The following GABPA variants were observed in gnomAD, a reference collection of about 807,000 sequenced individuals.
GABPA encodes GA-binding protein alpha chain.
Under a neutral mutation model 59.4 loss-of-function variants are expected in GABPA, and 4 were observed. The ratio of observed to expected loss-of-function variants is 0.07; its 90% confidence interval spans 0.03 to 0.15. The LOEUF (loss-of-function observed/expected upper bound fraction) is 0.15. GABPA is among the 10% of genes least tolerant of loss of function. The pLI is 1.00. For missense variants in GABPA, 251 were observed against 543.8 expected (o/e 0.46, Z 5.36); for synonymous variants, 164 against 183.1 (o/e 0.90, Z 0.84).
At chr21:25,740,712 A>C (rs948565473) in intron 1 of GABPA, among the ~76,000 whole-genome samples, 1 of 152,208 alleles carries the variant, frequency 6.6e-6, no homozygotes, top group South Asian at 2.1e-4. Flanking sequence ...AATCATTAAA[A>C]ATTTTCTACT....
chr21:25,750,337 T>G (rs1469634127), intron 4 of GABPA, among the ~76,000 whole-genome samples: 2 of 152,196 alleles, frequency 1.3e-5, no homozygotes, highest in African/African-American at 4.8e-5. Flanking sequence ...GGCCTGGGGT[T>G]TGGGGACCTC....
At chr21:25,746,114 C>T (rs755867381) in intron 3 of GABPA, among the ~76,000 whole-genome samples, 30 of 151,690 alleles carry the variant, frequency 2.0e-4, no homozygotes, top group African/African-American at 4.6e-4. Context: ...CAGGTTCAAA[C>T]GATCCTCCTG....
At chr21:25,755,737 A>G (rs1408009671) in intron 5 of GABPA, among the ~76,000 whole-genome samples, 1 of 152,106 alleles carries the variant, frequency 6.6e-6, no homozygotes, top group Non-Finnish European at 1.5e-5. Context: ...TGTGGGGTGC[A>G]CTCATTTAAC....
rs114235807 is a variant in GABPA, at chr21:25,762,958, C to A, written c.802+593C>A. ...AGAGTCTACCAGGGCAAACCCTTCG[C>A]CGCCTCCACTACTTTTGCTTGGCTT... On this transcript the variant is annotated intron_variant, in intron 7 of 9. Transcript: ENST00000400075. The A allele has an allele frequency of 4.0e-3, 1,503 of 372,352 alleles. 24 individuals carry two copies. Among genetic ancestry groups the A allele is most frequent in the African/African-American group, 0.031 (1,398 of 45,590 alleles). 23.1% of individuals were successfully genotyped at this position (372,352 alleles called of 1,614,324 possible). A position where few individuals can be genotyped will look rare whatever the true frequency, so the allele number is the denominator to read the frequency against.
At position 25,750,687 on chromosome 21, in the gene GABPA, G is replaced by A. The variant is rs2035487926; in HGVS notation, c.308-1302G>A. On this transcript the variant is annotated intron_variant, in intron 4 of 9. Transcript: ENST00000400075. Reference sequence around the variant, plus strand: ...CAAACCACATTTTTCTTCAGACTCTGACAATGGTAGTTACGTACTTCTGAT... The same window carrying A: ...CAAACCACATTTTTCTTCAGACTCTAACAATGGTAGTTACGTACTTCTGAT... Among the ~76,000 whole-genome samples, 3 of 152,128 alleles carry A rather than the reference G, an allele frequency of 2.0e-5. No homozygotes were observed. The South Asian group carries it at 6.2e-4, about 32-fold the overall frequency.
chr21:25,749,529 C>G (rs2035453403), intron 4 of GABPA, among the ~76,000 whole-genome samples: 1 of 152,126 alleles, frequency 6.6e-6, no homozygotes, highest in Admixed American at 6.5e-5. Flanking sequence ...GTGATCCACA[C>G]TAGTCAAAAA....
At chr21:25,766,643 A>G (rs751738890) in intron 9 of GABPA, among the ~76,000 whole-genome samples, 2 of 151,932 alleles carry the variant, frequency 1.3e-5, no homozygotes, top group African/African-American at 2.4e-5. Context: ...CCATAATTAA[A>G]TGGTACAACT....
intron 5 of GABPA, 49 bp from the exon 6 acceptor site, chr21:25,757,961 C>T (rs751621491): frequency 4.9e-6 from 5 of 1,015,244 alleles, no homozygotes; most frequent in Non-Finnish European, 6.6e-6. Context: ...TGTAAATTTA[C>T]ACAGTATCTA....
chr21:25,749,342 A>T (rs2035449008), intron 4 of GABPA, among the ~76,000 whole-genome samples: 1 of 152,238 alleles, frequency 6.6e-6, no homozygotes, highest in Admixed American at 6.5e-5. Flanking sequence ...TATGGTAGTA[A>T]ATAGCAGAAT....
chr21:25,762,436 AAG>A, intron 7 of GABPA, 71 bp downstream of exon 7: 1 of 1,159,290 alleles, frequency 8.6e-7, no homozygotes, highest in Non-Finnish European at 1.2e-6. Flanking sequence ...AGGTAATAAA[AAG>A]GAAAATTATT....
At chr21:25,755,431 CTAAA>C (rs1352565385) in intron 5 of GABPA, among the ~76,000 whole-genome samples, 1 of 82,898 alleles carries the variant, frequency 1.2e-5, no homozygotes, top group Non-Finnish European at 2.2e-5. Context: ...GCAAGACTGT[CTAAA>C]AAAAAAAAAA....
At chr21:25,753,281 C>T (rs1216499309) in intron 5 of GABPA, among the ~76,000 whole-genome samples, 6 of 151,918 alleles carry the variant, frequency 3.9e-5, no homozygotes. Context: ...GGAGGTTAGC[C>T]AGAAAATGGT....
intron 1 of GABPA, among the ~76,000 whole-genome samples, chr21:25,741,151 A>G (rs1294550188): frequency 6.6e-6 from 1 of 152,132 alleles, no homozygotes; most frequent in East Asian, 1.9e-4. Flanking sequence ...TTATTTTTCA[A>G]ACAGGGTCTC....
intron 4 of GABPA, among the ~76,000 whole-genome samples, chr21:25,750,183 T>G (rs1207347163): frequency 1.3e-5 from 2 of 152,126 alleles, no homozygotes; most frequent in Non-Finnish European, 2.9e-5. Flanking sequence ...ACAGTAGGGT[T>G]TGTGCTCCTA....
At chr21:25,741,202 A>G (rs1258091234) in intron 1 of GABPA, among the ~76,000 whole-genome samples, 1 of 152,118 alleles carries the variant, frequency 6.6e-6, no homozygotes, top group African/African-American at 2.4e-5. Flanking sequence ...ATCATGGCTC[A>G]CTGCAGCCTC....
rs746685523 is a variant in GABPA at position 25,758,048 on chromosome 21, G to A, written c.592G>A (p.Val198Met). Residue 198 changes from valine (V) to methionine (M), a missense_variant, in exon 6 of 10, where the codon GTG (valine) becomes ATG (methionine). By Grantham distance (21) the Val-to-Met change is conservative (BLOSUM62 1). This residue lies in a region of GABPA where 207 missense variants were observed against 366.7 expected (regional missense o/e 0.56). Transcript: ENST00000400075. ...GTCCACAGACCAAGTCCTGCATTGG[G>A]TGGTTTGGGTAATGAAGGAATTCAG... The part of the protein sequence containing the change: ...QWSTDQVLHW[V>M]VWVMKEFSMT... 7 of 1,600,202 alleles carry A rather than the reference G, an allele frequency of 4.4e-6. No homozygotes were observed. The highest frequency in any genetic ancestry group is 6.0e-6 in the Non-Finnish European group (7 of 1,175,344).
rs946877490 is a variant in GABPA, at chr21:25,772,302, A to C, written c.*3070A>C. On this transcript the variant is annotated 3_prime_UTR_variant, in exon 10 of 10. Transcript: ENST00000400075. ...TTTTACTCTTTAAATAACGACAACG[A>C]CACTTATACTGTCATAATAACAATT... 2.0e-5 allele frequency: 3 copies of C among 152,070 alleles called. No homozygotes were observed. The highest frequency in any genetic ancestry group is 2.0e-4 in the Admixed American group (3 of 15,272). 9.4% of individuals were successfully genotyped at this position (152,070 alleles called of 1,614,324 possible). A position where few individuals can be genotyped will look rare whatever the true frequency, so the allele number is the denominator to read the frequency against.
intron 6 of GABPA, among the ~76,000 whole-genome samples, chr21:25,760,864 C>T (rs563698091): frequency 1.4e-5 from 2 of 147,888 alleles, no homozygotes; most frequent in South Asian, 4.3e-4. Flanking sequence ...CTTTCAAAAA[C>T]TTTTTTTTTT....
At chr21:25,768,956 A>T in intron 9 of GABPA, 48 bp from the exon 10 acceptor site, 1 of 750,570 alleles carries the variant, frequency 1.3e-6, no homozygotes, top group Non-Finnish European at 2.1e-6. Context: ...TTATTGTAAG[A>T]AGTCTCATTT....
Sources: gnomAD v4.1 joint callset for allele counts (sites outside exome capture counted in the v4.1 genomes callset) on GRCh38, gnomAD v4.1.1 for gene constraint, gnomAD v4.1.1 regional missense constraint, MANE v1.5 for transcripts, NCBI Gene and HGNC (gene_info 2026-07-23, HGNC 2026-07-21) for gene names.